Variants in USP45 observed in about 807,000 individuals in gnomAD.
The protein encoded by USP45 is ubiquitin specific peptidase 45, also known as ubiquitin carboxyl-terminal hydrolase 45.
USP45 carries 89 observed loss-of-function variants against 95.8 expected under a neutral mutation model. The ratio of observed to expected loss-of-function variants is 0.93; its 90% CI spans 0.78 to 1.11. The LOEUF is 1.11. Ranked by LOEUF, USP45 falls within the 50% of genes least tolerant of loss-of-function variation. The pLI is 0.00. For missense variants in USP45, 898 were observed against 942.5 expected, an observed-to-expected ratio of 0.95 and a Z score of 0.62; for synonymous variants, 281 against 316.2, an observed-to-expected ratio of 0.89 and a Z score of 1.18.
rs1052272773 is a variant in USP45, at chr6:99,513,584, G to A, written c.-11+1808C>T. On this transcript the variant is annotated intron_variant, in intron 1 of 17. Coordinates refer to ENST00000500704, the MANE Select transcript of USP45 (RefSeq NM_001346022.3). ...GTACAGATAAGCTCTTGATAAAGAT[G>A]AGCATTAACACAGATAATGCTAGCA... 2.0e-5 allele frequency among the ~76,000 whole-genome samples: 3 copies of A among 152,310 alleles called. 1 individual carries two copies. Among genetic ancestry groups the A allele is most frequent in the Middle Eastern group, 6.8e-3 (2 of 294 alleles).
At chr6:99,474,304 T>C (rs1252738834) in intron 9 of USP45, among the ~76,000 whole-genome samples, 1 of 152,082 alleles carries the variant, frequency 6.6e-6, no homozygotes, top group Non-Finnish European at 1.5e-5. Flanking sequence ...TTCAAGCAAT[T>C]CTCATGCCTC....
In USP45 at chr6:99,464,585, C is replaced by T; in HGVS notation, c.1308+19G>A. 6.3e-7 allele frequency: 1 copy of T among 1,596,414 alleles called. No individual in the cohort carries two copies. Among genetic ancestry groups the T allele is most frequent in the South Asian group, 1.1e-5 (1 of 87,536 alleles). ...AAACTGTTAAAAAACAGACGTCTAA[C>T]AGATGCTTATGGTCTTACCTTATCT... On this transcript the variant is annotated intron_variant, in intron 13 of 17. Transcript: ENST00000500704.
chr6:99,440,157 A>G (rs13215636), intron 15 of USP45, among the ~76,000 whole-genome samples: 19,872 of 152,262 alleles, frequency 0.13, 1,858 homozygotes, highest in Non-Finnish European at 0.18. Flanking sequence ...CTACTGACAC[A>G]TATGCTATCA....
At chr6:99,470,575 T>TGG (rs1789158246) in intron 9 of USP45, among the ~76,000 whole-genome samples, 1 of 152,158 alleles carries the variant, frequency 6.6e-6, no homozygotes, top group African/African-American at 2.4e-5. Flanking sequence ...AGTCCTGAAA[T>TGG]ACACTTATAT....
intron 8 of USP45, among the ~76,000 whole-genome samples, chr6:99,480,335 T>C (rs1360751231): frequency 6.6e-6 from 1 of 152,154 alleles, no homozygotes; most frequent in African/African-American, 2.4e-5. Flanking sequence ...GATCTACACA[T>C]TCAAAACAAT....
chr6:99,493,492 G>A (rs990938139), intron 5 of USP45, among the ~76,000 whole-genome samples: 3 of 151,466 alleles, frequency 2.0e-5, no homozygotes, highest in South Asian at 2.1e-4. Flanking sequence ...ATGCAGGTAT[G>A]TATGTATGTA....
chr6:99,446,339 G>T lies in USP45; in HGVS notation c.1433C>A (p.Ser478Tyr). ...AGGGCTTTCATTCAGACGTGACTCAGAATTCATGAGGCTGGCAAACATTAA... is the reference window on the plus strand; with the variant it reads ...AGGGCTTTCATTCAGACGTGACTCATAATTCATGAGGCTGGCAAACATTAA... Reference protein sequence around the residue: ...DSLMFASLMNSESRLNESPTD... With the variant: ...DSLMFASLMNYESRLNESPTD... The change falls in exon 14 of 18, where the codon TCT becomes TAT. Residue 478 changes from serine to tyrosine, a missense_variant. By Grantham distance (144) the Ser-to-Tyr change is moderately radical. Transcript: ENST00000500704. 6.2e-7 allele frequency: 1 copy of T among 1,614,172 alleles called. No homozygotes were observed. Among genetic ancestry groups the T allele is most frequent in the Non-Finnish European group, 8.5e-7 (1 of 1,180,032 alleles).
intron 7 of USP45, among the ~76,000 whole-genome samples, chr6:99,485,134 A>T (rs954880215): frequency 6.7e-6 from 1 of 148,700 alleles, no homozygotes; most frequent in Non-Finnish European, 1.5e-5. Context: ...GTTTGAGACC[A>T]GCCTGGCTAA....
At chr6:99,514,046 T>C (rs992532954) in intron 1 of USP45, among the ~76,000 whole-genome samples, 1 of 152,220 alleles carries the variant, frequency 6.6e-6, no homozygotes, top group Non-Finnish European at 1.5e-5. Context: ...CTTACCTTTA[T>C]ACAAATTTAC....
At chr6:99,458,378 A>G (rs941508880) in intron 13 of USP45, among the ~76,000 whole-genome samples, 1 of 152,130 alleles carries the variant, frequency 6.6e-6, no homozygotes, top group Non-Finnish European at 1.5e-5. Flanking sequence ...CTCCCTAAAC[A>G]CCATCCATGT....
At chr6:99,498,126 TA>T in intron 5 of USP45, among the ~76,000 whole-genome samples, 1 of 152,304 alleles carries the variant, frequency 6.6e-6, no homozygotes, top group East Asian at 1.9e-4. Context: ...AAAAGATCAG[TA>T]ATGACAGGAA....
At position 99,445,267 on chromosome 6, in the gene USP45, G is replaced by C. The variant is rs955115406; in HGVS notation, c.1975+530C>G. Among the ~76,000 whole-genome samples the C allele has an allele frequency of 4.0e-4, 61 of 152,114 alleles. 1 individual carries two copies. Among genetic ancestry groups the C allele is most frequent in the African/African-American group, 1.3e-3 (55 of 41,416 alleles). On this transcript the variant is annotated intron_variant, in intron 14 of 17. Transcript: ENST00000500704. Reference sequence around the variant, plus strand: ...TGGGAGGCCAAGGCGGGTGGATCATGAGGTCAGGCATTCAAGACCAGCCTG... The same window carrying C: ...TGGGAGGCCAAGGCGGGTGGATCATCAGGTCAGGCATTCAAGACCAGCCTG...
chr6:99,435,417 T>G lies in USP45; in HGVS notation c.*299A>C. The G allele has an allele frequency of 4.7e-6, 1 of 211,124 alleles. No individual in the cohort carries two copies. 13.1% of individuals were successfully genotyped at this position (211,124 alleles called of 1,614,324 possible). ...CTTAGCCAGCATCATTTCTGAATGC[T>G]TGTAATAATAAGCCACATCATAAAG... is the stretch of plus-strand genomic sequence containing the variant. On this transcript the variant is annotated 3_prime_UTR_variant, in exon 18 of 18. Transcript: ENST00000500704.
At chr6:99,467,150 C>T (rs149175176) in intron 10 of USP45, among the ~76,000 whole-genome samples, 1 of 152,162 alleles carries the variant, frequency 6.6e-6, no homozygotes, top group African/African-American at 2.4e-5. Flanking sequence ...ATGAAAATAA[C>T]AGTCGTAAAA....
intron 16 of USP45, among the ~76,000 whole-genome samples, chr6:99,438,358 A>G (rs979458135): frequency 6.6e-6 from 1 of 152,226 alleles, no homozygotes; most frequent in Non-Finnish European, 1.5e-5. Flanking sequence ...AAAAATTATA[A>G]AAGAATAAGC....
upstream of USP45, among the ~76,000 whole-genome samples, chr6:99,516,528 T>C (rs1801122984): frequency 6.6e-6 from 1 of 152,236 alleles, no homozygotes; most frequent in Non-Finnish European, 1.5e-5. Context: ...AGAAGGTTGA[T>C]ATTTGCTTAT....
intron 2 of USP45, among the ~76,000 whole-genome samples, chr6:99,509,647 C>CAA (rs199667881): frequency 1.1e-3 from 65 of 60,646 alleles, no homozygotes; most frequent in Middle Eastern, 9.4e-3. Context: ...AGAAAGAGAC[C>CAA]AAAAAAAAAA....
intron 13 of USP45, chr6:99,461,257 A>G (rs756602062): frequency 2.4e-5 from 24 of 985,302 alleles, no homozygotes; most frequent in Admixed American, 6.1e-5. Flanking sequence ...CAATTATTCA[A>G]TCAGCATGAT....
At chr6:99,437,500 T>C in intron 16 of USP45, 101 bp from the exon 17 acceptor site, 3 of 1,197,964 alleles carry the variant, frequency 2.5e-6, no homozygotes, top group Non-Finnish European at 3.4e-6. Flanking sequence ...GAAAAATGCA[T>C]AGTAAAACTG....
Sources: gnomAD v4.1 joint callset for allele counts (sites outside exome capture counted in the v4.1 genomes callset) on GRCh38, gnomAD v4.1.1 for gene constraint, MANE v1.5 for transcripts, NCBI Gene and HGNC (gene_info 2026-07-23, HGNC 2026-07-21) for gene names.